LRRC49: variants seen among roughly 807,000 people sequenced by gnomAD.
LRRC49 encodes the protein leucine-rich repeat-containing protein 49.
In LRRC49, 50 loss-of-function variants were observed where a neutral mutation model predicts 83.3. The observed-to-expected ratio is 0.60, with a 90% CI of 0.48 to 0.76. The LOEUF is 0.76. LRRC49 is among the 30% of genes least tolerant of loss of function. The probability of loss-of-function intolerance (pLI) is 0.00; values close to 1 mark genes in which losing one functional copy is unlikely to be tolerated. For missense variants in LRRC49, 704 were observed against 809.1 expected, an observed-to-expected ratio of 0.87 and a Z score of 1.58; for synonymous variants, 286 against 283.3, an observed-to-expected ratio of 1.01 and a Z score of -0.10.
chr15:71,032,429 C>G (rs2039387371), intron 14 of LRRC49, among the ~76,000 whole-genome samples: 1 of 151,870 alleles, frequency 6.6e-6, no homozygotes, highest in Admixed American at 6.6e-5. Context: ...ATTCTGCCCT[C>G]TTGGTTCCTT....
intron 8 of LRRC49, among the ~76,000 whole-genome samples, chr15:70,940,251 A>ATTTTTT (rs398027829): frequency 3.4e-5 from 3 of 87,064 alleles, no homozygotes; most frequent in African/African-American, 7.8e-5. Flanking sequence ...GAATATATGG[A>ATTTTTT]TTTTTTTTTT....
chr15:70,957,534 T>A (rs1353569601), intron 8 of LRRC49, among the ~76,000 whole-genome samples: 2 of 152,196 alleles, frequency 1.3e-5, no homozygotes, highest in Non-Finnish European at 2.9e-5. Context: ...GTTCATCACA[T>A]TTTTTTCATT....
chr15:71,003,765 C>T (rs932522475), intron 11 of LRRC49, among the ~76,000 whole-genome samples: 5 of 152,186 alleles, frequency 3.3e-5, no homozygotes, highest in African/African-American at 1.2e-4. Context: ...AATTGAATAA[C>T]TTGCCCCAGA....
At chr15:70,859,410 G>A in intron 1 of LRRC49, 3 of 751,356 alleles carry the variant, frequency 4.0e-6, no homozygotes, top group Non-Finnish European at 4.9e-6. Flanking sequence ...GAGGAGATCT[G>A]GGAGCTGCAG....
chr15:71,000,925 G>T (rs991426715), intron 11 of LRRC49, among the ~76,000 whole-genome samples: 5 of 151,646 alleles, frequency 3.3e-5, no homozygotes, highest in African/African-American at 1.2e-4. Flanking sequence ...TTCGGATTTT[G>T]GTCCTGGGCT....
At chr15:70,931,526 A>G (rs2141150119) in intron 7 of LRRC49, among the ~76,000 whole-genome samples, 1 of 152,364 alleles carries the variant, frequency 6.6e-6, no homozygotes, top group East Asian at 1.9e-4. Context: ...CAGGATTGCC[A>G]CAAACCTTCA....
At chr15:71,026,115 T>C (rs2039162100) in intron 14 of LRRC49, among the ~76,000 whole-genome samples, 1 of 151,808 alleles carries the variant, frequency 6.6e-6, no homozygotes, top group Non-Finnish European at 1.5e-5. Flanking sequence ...CCCCTCCCTG[T>C]GTCCATGTGT....
chr15:70,993,017 G>A (rs895218269), intron 11 of LRRC49, among the ~76,000 whole-genome samples: 83 of 152,294 alleles, frequency 5.4e-4, no homozygotes, highest in African/African-American at 2.0e-3. Context: ...CTTGAGCTGC[G>A]GTGGGTTCCA....
chr15:70,908,430 G>T (rs1276196497), intron 5 of LRRC49, among the ~76,000 whole-genome samples: 1 of 152,140 alleles, frequency 6.6e-6, no homozygotes, highest in Non-Finnish European at 1.5e-5. Flanking sequence ...CTGCTTATTG[G>T]TTGGATTGGG....
At chr15:70,880,489 T>C (rs1193807111) in intron 2 of LRRC49, among the ~76,000 whole-genome samples, 1 of 152,160 alleles carries the variant, frequency 6.6e-6, no homozygotes, top group Non-Finnish European at 1.5e-5. Flanking sequence ...CTAAGGTAAA[T>C]ATAACTTTTC....
intron 2 of LRRC49, among the ~76,000 whole-genome samples, chr15:70,877,359 T>C (rs1009914347): frequency 6.6e-6 from 1 of 152,224 alleles, no homozygotes; most frequent in Non-Finnish European, 1.5e-5. Context: ...AATGTTCCTC[T>C]GCCCTAGTCC....
intron 10 of LRRC49, among the ~76,000 whole-genome samples, chr15:70,982,340 TA>T (rs1171357270): frequency 6.6e-6 from 1 of 151,912 alleles, no homozygotes. Flanking sequence ...TGATACTGAG[TA>T]AAAAAAACAG....
At chr15:71,033,138 T>G (rs945769278) in intron 14 of LRRC49, among the ~76,000 whole-genome samples, 5 of 152,180 alleles carry the variant, frequency 3.3e-5, no homozygotes, top group Admixed American at 2.6e-4. Context: ...AAAAGCTGCT[T>G]AAGCTGATAA....
intron 1 of LRRC49, among the ~76,000 whole-genome samples, chr15:70,861,771 G>A (rs1311592590): frequency 6.6e-6 from 1 of 152,138 alleles, no homozygotes; most frequent in Non-Finnish European, 1.5e-5. Flanking sequence ...AATAGATGGA[G>A]ACCCTTAGCC....
intron 1 of LRRC49, chr15:70,859,845 T>G (rs956901744): frequency 6.5e-6 from 5 of 766,168 alleles, no homozygotes; most frequent in African/African-American, 5.1e-5. Flanking sequence ...CAGGAGCTGA[T>G]GAATGTCAAG....
rs758258194 is a variant in LRRC49, at chr15:71,012,881, G to A, written c.1671G>A (p.Gln557=). Residue 557 remains glutamine, a synonymous_variant, in exon 14 of 16, where the codon CAG becomes CAA. Transcript: ENST00000260382. The part of the protein sequence containing the change: ...LAHVASSELP[Q]YRLISILGDA... Reference sequence around the variant, plus strand: ...ATGTAGCATCTTCTGAGTTACCCCAGTATCGTCTGATTTCCATTCTGGGTG... The same window carrying A: ...ATGTAGCATCTTCTGAGTTACCCCAATATCGTCTGATTTCCATTCTGGGTG... 6.2e-7 allele frequency: 1 copy of A among 1,612,558 alleles called. No individual in the cohort carries two copies. Among genetic ancestry groups the A allele is most frequent in the Non-Finnish European group, 8.5e-7 (1 of 1,179,128 alleles).
chr15:70,903,814 G>A (rs757639655), intron 4 of LRRC49, among the ~76,000 whole-genome samples: 4 of 151,980 alleles, frequency 2.6e-5, no homozygotes, highest in Admixed American at 6.6e-5. Context: ...TTTACTTCAC[G>A]TGTAGTATGT....
At chr15:70,970,480 A>G (rs2141208060) in intron 9 of LRRC49, among the ~76,000 whole-genome samples, 1 of 152,306 alleles carries the variant, frequency 6.6e-6, no homozygotes, top group African/African-American at 2.4e-5. Context: ...ATTTAGTATC[A>G]GGATGATGCT....
intron 8 of LRRC49, among the ~76,000 whole-genome samples, chr15:70,939,856 T>G (rs571843830): frequency 1.3e-4 from 20 of 151,342 alleles, no homozygotes; most frequent in East Asian, 9.7e-4. Flanking sequence ...GGTTTTTTTT[T>G]TTTTTTTTTT....
Sources: allele counts gnomAD v4.1 joint callset (sites outside exome capture counted in the v4.1 genomes callset), GRCh38; gene constraint gnomAD v4.1.1; transcripts MANE v1.5; gene names NCBI Gene and HGNC (gene_info 2026-07-23, HGNC 2026-07-21).